The following VAV2 variants were observed in gnomAD, a reference collection of about 807,000 sequenced individuals.
VAV2 encodes the protein vav guanine nucleotide exchange factor 2, also known as guanine nucleotide exchange factor VAV2.
A neutral mutation model predicts 132.5 loss-of-function variants in VAV2; 67 were observed. The ratio of observed to expected loss-of-function variants is 0.51; its 90% CI spans 0.42 to 0.62. The LOEUF is 0.62. VAV2 is among the 20% of genes least tolerant of loss of function. The pLI, the probability that VAV2 is intolerant of heterozygous loss-of-function variation, is 0.00. For missense variants in VAV2, 938 were observed against 1,153.6 expected (o/e 0.81, Z 2.71); for synonymous variants, 492 against 443.5 (o/e 1.11, Z -1.37).
intron 3 of VAV2, among the ~76,000 whole-genome samples, chr9:133,853,570 G>A (rs118094951): frequency 0.01 from 1,591 of 152,224 alleles, 15 homozygotes; most frequent in Non-Finnish European, 0.016. Flanking sequence ...GGCAGGGAAC[G>A]GCCAAGCGGA....
intron 2 of VAV2, among the ~76,000 whole-genome samples, chr9:133,881,676 CG>C (rs1379655946): frequency 1.3e-5 from 2 of 152,134 alleles, no homozygotes; most frequent in Non-Finnish European, 2.9e-5. Flanking sequence ...TACAAGTGGC[CG>C]GGAACTTTGA....
intron 9 of VAV2, among the ~76,000 whole-genome samples, chr9:133,798,378 C>T (rs370434601): frequency 1.3e-5 from 2 of 152,236 alleles, no homozygotes; most frequent in Non-Finnish European, 2.9e-5. Context: ...AGGTGGCCCC[C>T]GGACCTGGGA....
rs1290590520 is a variant in VAV2, at chr9:133,768,878, A to C, written c.2435-282T>G. 6.6e-6 allele frequency among the ~76,000 whole-genome samples: 1 copy of C among 152,182 alleles called. No individual in the cohort carries two copies. The highest frequency in any genetic ancestry group is 1.5e-5 in the Non-Finnish European group (1 of 68,030). ...CCCAGGCTTTGACCATCATCATTCC[A>C]GTGGTCCCCCAAATCCAACCAGAAA... is the stretch of plus-strand genomic sequence containing the variant. On this transcript the variant is annotated intron_variant, in intron 28 of 29. Transcript: ENST00000371850. The surrounding 1 kb of genome is among the most constrained non-coding windows in gnomAD (Gnocchi z 5.3).
chr9:133,913,250 G>A (rs1045649743), intron 2 of VAV2, among the ~76,000 whole-genome samples: 8 of 152,154 alleles, frequency 5.3e-5, no homozygotes, highest in African/African-American at 1.2e-4. Context: ...CTGGCGCCAC[G>A]GCCCCCATGA....
chr9:133,944,791 G>C (rs1258224258), intron 1 of VAV2, among the ~76,000 whole-genome samples: 5 of 152,374 alleles, frequency 3.3e-5, no homozygotes, highest in African/African-American at 1.2e-4. Context: ...TGACTCCTGG[G>C]CCCCAGCTGG....
At chr9:133,780,116 A>C in intron 20 of VAV2, 177 bp from the exon 21 acceptor site, 1 of 776,306 alleles carries the variant, frequency 1.3e-6, no homozygotes, top group South Asian at 1.8e-5. Flanking sequence ...CTGGCAATAT[A>C]TTTCACCTCT....
chr9:133,937,202 G>C (rs2519101), intron 2 of VAV2, among the ~76,000 whole-genome samples: 130,501 of 151,980 alleles, frequency 0.86, 57,223 homozygotes, highest in East Asian at 0.97. Flanking sequence ...GTGAGACTGT[G>C]TGTGTGTGAA....
chr9:133,873,305 C>T (rs967948281), intron 2 of VAV2, among the ~76,000 whole-genome samples: 3 of 152,138 alleles, frequency 2.0e-5, no homozygotes, highest in African/African-American at 7.2e-5. Context: ...CTGCCACGGA[C>T]GATCTCAGCC....
chr9:133,818,770 T>C (rs1007526550), intron 4 of VAV2, among the ~76,000 whole-genome samples: 4 of 152,224 alleles, frequency 2.6e-5, no homozygotes, highest in Non-Finnish European at 4.4e-5. Context: ...TTGGCTTCTA[T>C]TGACTCTTCT....
At position 133,776,033 on chromosome 9, in the gene VAV2, G is replaced by A. The variant is rs761718380; in HGVS notation, c.2013C>T (p.Tyr671=). 18 of 1,612,656 alleles carry A rather than the reference G, an allele frequency of 1.1e-5. No homozygotes were observed. Among genetic ancestry groups the A allele is most frequent in the Admixed American group, 5.0e-5 (3 of 59,952 alleles). The change falls in exon 24 of 30, where the codon TAC becomes TAT. Residue 671 remains tyrosine, a synonymous_variant. Coordinates refer to ENST00000371850, the MANE Select transcript of VAV2 (RefSeq NM_001134398.2). The stretch of plus-strand genomic sequence containing the variant: ...GCAGCCCACGATCCACTCACCAGGG[G>A]TATGCAGTGTAGTCGATCTCCCGGG... ...PPSREIDYTA[Y]PWFAGNMERQ...
chr9:133,916,088 C>G (rs1030923277), intron 2 of VAV2, among the ~76,000 whole-genome samples: 2 of 152,252 alleles, frequency 1.3e-5, no homozygotes, highest in African/African-American at 4.8e-5. Context: ...CGTGCACACA[C>G]GCACCTTCCC....
chr9:133,767,618 G>A (rs1833479810), intron 29 of VAV2, among the ~76,000 whole-genome samples: 1 of 152,184 alleles, frequency 6.6e-6, no homozygotes, highest in Non-Finnish European at 1.5e-5. Flanking sequence ...CTTCTATAGG[G>A]CAGTTGGGTA....
rs916533948 is a variant in VAV2, at chr9:133,969,192, G to A, written c.204+22883C>T. The stretch of plus-strand genomic sequence containing the variant: ...GCGAGGACGAGAGCTGGATTCCACC[G>A]TGCCCGCCGGGCCTGCGAGGACGAG... On this transcript the variant is annotated intron_variant, in intron 1 of 29. Coordinates refer to ENST00000371850, the MANE Select transcript of VAV2 (RefSeq NM_001134398.2). This position sits in a 1 kb window ranked among gnomAD's most constrained non-coding sequence, Gnocchi z 5.1. Among the ~76,000 whole-genome samples the A allele has an allele frequency of 4.0e-5, 6 of 151,296 alleles. No individual in the cohort carries two copies. The highest frequency in any genetic ancestry group is 5.9e-5 in the Non-Finnish European group (4 of 67,850).
At chr9:133,825,928 C>T (rs1003944547) in intron 4 of VAV2, among the ~76,000 whole-genome samples, 19 of 152,206 alleles carry the variant, frequency 1.2e-4, no homozygotes, top group African/African-American at 4.6e-4. Flanking sequence ...AAAATTATCC[C>T]AATGATGCTA....
intron 21 of VAV2, among the ~76,000 whole-genome samples, 161 bp from the exon 22 acceptor site, chr9:133,779,050 G>A (rs1463299860): frequency 1.3e-5 from 2 of 152,242 alleles, no homozygotes; most frequent in Admixed American, 6.5e-5. Flanking sequence ...TAAGCCTCAT[G>A]TCTTTTTGAT....
chr9:133,766,538 C>G (rs1215830758), intron 29 of VAV2, among the ~76,000 whole-genome samples: 1 of 151,904 alleles, frequency 6.6e-6, no homozygotes, highest in Admixed American at 6.6e-5. Context: ...AAACCAAACA[C>G]CGCATGTTCT....
intron 1 of VAV2, among the ~76,000 whole-genome samples, chr9:133,945,650 C>A (rs1327478453): frequency 2.0e-5 from 3 of 152,224 alleles, no homozygotes; most frequent in African/African-American, 7.2e-5. Flanking sequence ...AGGAGTGGCA[C>A]TCAGCTGGGG....
chr9:133,867,968 A>G (rs1837872948), intron 2 of VAV2, among the ~76,000 whole-genome samples: 1 of 152,232 alleles, frequency 6.6e-6, no homozygotes, highest in Non-Finnish European at 1.5e-5. Context: ...CAGGGATCTG[A>G]GGTCTCGGGA....
At chr9:133,892,428 T>C (rs76440497) in intron 2 of VAV2, among the ~76,000 whole-genome samples, 5,896 of 151,950 alleles carry the variant, frequency 0.039, 135 homozygotes, top group African/African-American at 0.059. Context: ...CTGACACTCA[T>C]TAGAGCACCC....
Sources: allele counts gnomAD v4.1 joint callset (sites outside exome capture counted in the v4.1 genomes callset), GRCh38; gene constraint gnomAD v4.1.1; non-coding constraint Gnocchi (gnomAD v3.1); transcripts MANE v1.5; gene names NCBI Gene and HGNC (gene_info 2026-07-23, HGNC 2026-07-21).